RAB6B: variants seen among roughly 807,000 people sequenced by gnomAD.
RAB6B encodes RAB6B, member RAS oncogene family.
A neutral mutation model predicts 31.2 loss-of-function variants in RAB6B; 7 were observed. The ratio of observed to expected loss-of-function variants is 0.22; its 90% CI spans 0.13 to 0.42. RAB6B has a LOEUF of 0.42. RAB6B is among the 10% of genes least tolerant of loss of function. The pLI, the probability that RAB6B is intolerant of heterozygous loss-of-function variation, is 1.00. For synonymous variants in RAB6B, 105 were observed against 104.9 expected, an observed-to-expected ratio of 1.00 and a Z score of -0.01; for missense variants, 149 against 280.6, an observed-to-expected ratio of 0.53 and a Z score of 3.35.
Position 133,860,704 on chromosome 3 carries a change from G to A in RAB6B, c.129+3880C>T, listed in dbSNP as rs146109170. 2.2e-4 allele frequency among the ~76,000 whole-genome samples: 33 copies of A among 152,286 alleles called. No homozygotes were observed. In the East Asian group the frequency reaches 6.2e-3, roughly 29 times the overall value. ...TGTGGGACCCAGGAAAGGATCCAGCGCAGGCAGAGCTTCACAGGCCTCCAG... is the reference window on the plus strand; with the variant it reads ...TGTGGGACCCAGGAAAGGATCCAGCACAGGCAGAGCTTCACAGGCCTCCAG... On this transcript the variant is annotated intron_variant, in intron 2 of 7. Transcript: ENST00000285208.
chr3:133,859,715 T>G (rs1404859183), intron 2 of RAB6B, among the ~76,000 whole-genome samples: 2 of 152,166 alleles, frequency 1.3e-5, no homozygotes, highest in Admixed American at 1.3e-4. Flanking sequence ...TGACCTCTCC[T>G]GTTTGTCCCC....
intron 1 of RAB6B, among the ~76,000 whole-genome samples, chr3:133,893,452 G>A (rs979836981): frequency 3.9e-5 from 6 of 152,186 alleles, no homozygotes; most frequent in African/African-American, 1.4e-4. Context: ...CTGTGATTTT[G>A]GGAGCAAAGG....
chr3:133,873,169 A>G (rs1936349553), intron 1 of RAB6B, among the ~76,000 whole-genome samples: 1 of 152,234 alleles, frequency 6.6e-6, no homozygotes, highest in Non-Finnish European at 1.5e-5. Flanking sequence ...GTAACAGTAC[A>G]TGGACAAGAG....
chr3:133,880,070 T>C (rs1322705434), intron 1 of RAB6B, among the ~76,000 whole-genome samples: 1 of 152,212 alleles, frequency 6.6e-6, no homozygotes, highest in Non-Finnish European at 1.5e-5. Flanking sequence ...GAAGAATTAA[T>C]TCACAGTGAG....
In RAB6B at chr3:133,876,463, T is replaced by A. The variant is rs192139095; in HGVS notation, c.71-11821A>T. Among the ~76,000 whole-genome samples the A allele has an allele frequency of 2.4e-3, 358 of 152,318 alleles. 1 individual carries two copies. The highest frequency in any genetic ancestry group is 8.0e-3 in the African/African-American group (333 of 41,556). On this transcript the variant is annotated intron_variant, in intron 1 of 7. Transcript: ENST00000285208. ...GTATAGAGAGAGTTTCTCTCTCTTA[T>A]TCACAACTACAAATGCTGAGAGAGA...
In RAB6B at chr3:133,841,590, T is replaced by G; in HGVS notation, c.183+20A>C. The G allele has an allele frequency of 1.9e-6, 3 of 1,611,288 alleles. No individual in the cohort carries two copies. The highest frequency in any genetic ancestry group is 2.5e-6 in the Non-Finnish European group (3 of 1,178,378). On this transcript the variant is annotated intron_variant, in intron 3 of 7. Transcript: ENST00000285208. ...AAGGAACCCTCCCTGCCCCTCCCAG[T>G]CCTGATATTAGGTGCTCACCGTGCG...
At chr3:133,838,041 T>C in intron 6 of RAB6B, 125 bp downstream of exon 6, 1 of 988,820 alleles carries the variant, frequency 1.0e-6, no homozygotes, top group East Asian at 2.4e-5. Context: ...TCTATGGGTG[T>C]TCTGGTTGGC....
At position 133,825,383 on chromosome 3, in the gene RAB6B, T is replaced by C. The variant is rs553725159; in HGVS notation, c.*3405A>G. On this transcript the variant is annotated 3_prime_UTR_variant, in exon 8 of 8. Transcript: ENST00000285208. ...CTACCACCATTTCAATCCTTGTTTCTGTTGCCAGAGATACTGAAACTGGTC... is the reference window on the plus strand; with the variant it reads ...CTACCACCATTTCAATCCTTGTTTCCGTTGCCAGAGATACTGAAACTGGTC... 1 of 152,412 alleles carries C rather than the reference T, an allele frequency of 6.6e-6. No homozygotes were observed. Among genetic ancestry groups the C allele is most frequent in the South Asian group, 2.1e-4 (1 of 4,828 alleles). The allele number at this position is 152,412 out of a possible 1,614,324, so 9.4% of individuals were successfully genotyped here.
intron 2 of RAB6B, among the ~76,000 whole-genome samples, chr3:133,860,314 G>A (rs1461968867): frequency 5.3e-5 from 8 of 152,210 alleles, no homozygotes; most frequent in Non-Finnish European, 7.3e-5. Context: ...CTCTTAAGAA[G>A]AGGTGAGGAC....
At chr3:133,838,625 G>A (rs1050201032) in intron 5 of RAB6B, among the ~76,000 whole-genome samples, 6 of 152,166 alleles carry the variant, frequency 3.9e-5, no homozygotes, top group Non-Finnish European at 5.9e-5. Flanking sequence ...ATTATCAGTC[G>A]CATTTTCCCT....
chr3:133,889,878 T>C (rs954032980), intron 1 of RAB6B, among the ~76,000 whole-genome samples: 1 of 152,254 alleles, frequency 6.6e-6, no homozygotes, highest in African/African-American at 2.4e-5. Flanking sequence ...CTTTTTTCTT[T>C]GCTGGCAAGT....
intron 1 of RAB6B, among the ~76,000 whole-genome samples, chr3:133,870,547 A>G (rs1936308027): frequency 6.6e-6 from 1 of 152,168 alleles, no homozygotes; most frequent in South Asian, 2.1e-4. Flanking sequence ...GGTCAGATTC[A>G]GAGAGGAGCC....
chr3:133,851,725 A>C (rs1935987086), intron 2 of RAB6B, among the ~76,000 whole-genome samples: 1 of 152,210 alleles, frequency 6.6e-6, no homozygotes, highest in African/African-American at 2.4e-5. Flanking sequence ...TTTGCAGATA[A>C]GCCAGAGCCA....
intron 1 of RAB6B, among the ~76,000 whole-genome samples, chr3:133,884,310 A>AG (rs1936508133): frequency 6.6e-6 from 1 of 152,202 alleles, no homozygotes; most frequent in South Asian, 2.1e-4. Context: ...ACCCGTGAGC[A>AG]GGGGGGTGCA....
chr3:133,882,517 T>C lies in RAB6B; in HGVS notation c.70+12880A>G, dbSNP rs555028377. Among the ~76,000 whole-genome samples, 3 of 152,346 alleles carry C rather than the reference T, an allele frequency of 2.0e-5. No individual in the cohort carries two copies. The South Asian group carries it at 6.2e-4, about 32-fold the overall frequency. On this transcript the variant is annotated intron_variant, in intron 1 of 7. Transcript: ENST00000285208. ...ACTCCACCTCTGCCTTTTCTCCCACTGTGGTGAACCGGGCTGATCACCTGG... is the reference window on the plus strand; with the variant it reads ...ACTCCACCTCTGCCTTTTCTCCCACCGTGGTGAACCGGGCTGATCACCTGG...
intron 1 of RAB6B, among the ~76,000 whole-genome samples, chr3:133,895,161 G>C (rs1270518250): frequency 2.0e-5 from 3 of 152,014 alleles, no homozygotes; most frequent in African/African-American, 7.2e-5. Context: ...CCCACACCCC[G>C]GGCCCCCCAC....
Position 133,824,277 on chromosome 3 carries a change from C to CTGAG in RAB6B, c.*4507_*4510dup, listed in dbSNP as rs1935520465. Reference sequence around the variant, plus strand: ...GACAGTTTATTGTTTGACCAACATGCTGAGTCTTTTCCACATTTTACACAG... The same window carrying CTGAG: ...GACAGTTTATTGTTTGACCAACATGCTGAGTGAGTCTTTTCCACATTTTACACAG... On this transcript the variant is annotated 3_prime_UTR_variant, in exon 8 of 8. Coordinates refer to ENST00000285208, the MANE Select transcript of RAB6B (RefSeq NM_016577.4). 6.6e-6 allele frequency: 1 copy of CTGAG among 152,216 alleles called. No individual in the cohort carries two copies. The highest frequency in any genetic ancestry group is 2.1e-4 in the South Asian group (1 of 4,828). 9.4% of individuals were successfully genotyped at this position (152,216 alleles called of 1,614,324 possible).
At chr3:133,854,525 G>T (rs1219824166) in intron 2 of RAB6B, among the ~76,000 whole-genome samples, 3 of 152,232 alleles carry the variant, frequency 2.0e-5, no homozygotes, top group Non-Finnish European at 2.9e-5. Flanking sequence ...AGGCTGAGCT[G>T]CACTCTGCTG....
At chr3:133,831,624 A>T (rs547894596) in intron 7 of RAB6B, among the ~76,000 whole-genome samples, 13 of 152,280 alleles carry the variant, frequency 8.5e-5, no homozygotes, top group African/African-American at 3.1e-4. Flanking sequence ...CTGCCCGCTG[A>T]TTGAGAGGAC....
Sources: allele counts gnomAD v4.1 joint callset (sites outside exome capture counted in the v4.1 genomes callset), GRCh38; gene constraint gnomAD v4.1.1; transcripts MANE v1.5; gene names NCBI Gene and HGNC (gene_info 2026-07-23, HGNC 2026-07-21).